Variants in MAPK8 observed in about 807,000 individuals in gnomAD.
MAPK8 encodes the protein JUN N-terminal kinase.
Under a neutral mutation model 52.9 loss-of-function variants are expected in MAPK8, and 13 were observed. The ratio of observed to expected loss-of-function variants is 0.25; its 90% CI spans 0.16 to 0.39. The LOEUF (loss-of-function observed/expected upper bound fraction) is 0.39. Among genes scored for constraint, MAPK8 ranks in the 10% least tolerant of loss-of-function variants. MAPK8 has a pLI of 1.00. For synonymous variants in MAPK8, 191 were observed against 169.8 expected (o/e 1.12, Z -0.97); for missense variants, 300 against 519.2 (o/e 0.58, Z 4.10).
chr10:48,436,479 T>C lies in MAPK8; in HGVS notation c.*1450T>C, dbSNP rs1048628458. The stretch of plus-strand genomic sequence containing the variant: ...ATAGACCCAGGCACCTTTTAAATTA[T>C]CTCTGGAACAAGAGGGATTTCATGT... On this transcript the variant is annotated 3_prime_UTR_variant, in exon 12 of 12. Coordinates refer to ENST00000374189, the MANE Select transcript of MAPK8 (RefSeq NM_001323329.2). The C allele has an allele frequency of 6.6e-6, 1 of 152,200 alleles. No individual in the cohort carries two copies. Among genetic ancestry groups the C allele is most frequent in the East Asian group, 1.9e-4 (1 of 5,202 alleles). The allele number at this position is 152,200 out of a possible 1,614,324, so 9.4% of individuals were successfully genotyped here.
At chr10:48,307,881 C>A (rs992015906) in intron 1 of MAPK8, among the ~76,000 whole-genome samples, 1 of 152,074 alleles carries the variant, frequency 6.6e-6, no homozygotes, top group African/African-American at 2.4e-5. Context: ...GGTAAAGTAT[C>A]CTTTCATGGA....
chr10:48,411,714 C>T (rs780673585), intron 5 of MAPK8, among the ~76,000 whole-genome samples: 2 of 152,094 alleles, frequency 1.3e-5, no homozygotes, highest in East Asian at 1.9e-4. Context: ...GTTTTGCCAT[C>T]GTAACAATAT....
chr10:48,312,394 C>T (rs1404735190), intron 1 of MAPK8, among the ~76,000 whole-genome samples: 2 of 152,194 alleles, frequency 1.3e-5, no homozygotes, highest in Non-Finnish European at 2.9e-5. Flanking sequence ...GTACTAGAAA[C>T]ACTTTTTAAA....
chr10:48,397,294 G>T (rs572163107), intron 1 of MAPK8, among the ~76,000 whole-genome samples: 58 of 151,548 alleles, frequency 3.8e-4, no homozygotes, highest in Non-Finnish European at 5.9e-4. Flanking sequence ...GACTATAGAT[G>T]TGCACTACTA....
intron 1 of MAPK8, among the ~76,000 whole-genome samples, chr10:48,339,042 C>A (rs1046905730): frequency 6.6e-6 from 1 of 152,098 alleles, no homozygotes; most frequent in African/African-American, 2.4e-5. Context: ...TAATTCCTAT[C>A]AAATTACCAA....
At chr10:48,399,434 T>A (rs2042048049) in intron 1 of MAPK8, among the ~76,000 whole-genome samples, 1 of 152,232 alleles carries the variant, frequency 6.6e-6, no homozygotes, top group African/African-American at 2.4e-5. Context: ...GGAGCCTGTC[T>A]GCCTGCCTCT....
intron 1 of MAPK8, among the ~76,000 whole-genome samples, chr10:48,382,997 A>G (rs898284473): frequency 4.7e-5 from 7 of 149,610 alleles, no homozygotes; most frequent in Non-Finnish European, 7.4e-5. Flanking sequence ...AATTAAGCTA[A>G]TTTCTGGCTA....
chr10:48,339,846 G>A (rs1032996845), intron 1 of MAPK8, among the ~76,000 whole-genome samples: 1 of 152,142 alleles, frequency 6.6e-6, no homozygotes, highest in African/African-American at 2.4e-5. Flanking sequence ...TGAAACCACA[G>A]CAAGATACCA....
At chr10:48,430,959 CAG>C (rs2044182774) in intron 10 of MAPK8, 2 of 531,086 alleles carry the variant, frequency 3.8e-6, no homozygotes, top group Non-Finnish European at 6.6e-6. Context: ...ACTTCAGAAA[CAG>C]TGAATTACAG....
intron 3 of MAPK8, among the ~76,000 whole-genome samples, chr10:48,408,409 ATAAT>A (rs372681223): frequency 1.3e-5 from 2 of 152,340 alleles, no homozygotes; most frequent in African/African-American, 2.4e-5. Context: ...CACCTGGAAG[ATAAT>A]TAAGTTGAGT....
chr10:48,425,476 A>G (rs1237961698), intron 7 of MAPK8: 5 of 398,584 alleles, frequency 1.3e-5, no homozygotes, highest in African/African-American at 8.2e-5. Context: ...TGTGTTCTAG[A>G]AATATTGTCT....
chr10:48,378,148 T>C (rs2040784935), intron 1 of MAPK8, among the ~76,000 whole-genome samples: 1 of 152,230 alleles, frequency 6.6e-6, no homozygotes, highest in African/African-American at 2.4e-5. Flanking sequence ...AAAGCATTGT[T>C]AATCAAAATC....
At chr10:48,407,058 G>A (rs2042511751) in intron 3 of MAPK8, among the ~76,000 whole-genome samples, 1 of 152,150 alleles carries the variant, frequency 6.6e-6, no homozygotes, top group Non-Finnish European at 1.5e-5. Context: ...AGTACTTCAT[G>A]TTTCTCCCTA....
At chr10:48,322,382 G>A (rs2132164587) in intron 1 of MAPK8, among the ~76,000 whole-genome samples, 2 of 152,142 alleles carry the variant, frequency 1.3e-5, no homozygotes, top group South Asian at 4.2e-4. Context: ...ATTATATAAG[G>A]AAAATTATAT....
chr10:48,342,316 C>G (rs1409184178), intron 1 of MAPK8, among the ~76,000 whole-genome samples: 1 of 152,054 alleles, frequency 6.6e-6, no homozygotes, highest in Non-Finnish European at 1.5e-5. Context: ...GTTGCCCAGG[C>G]TGGTCTTGAA....
chr10:48,431,345 C>T, intron 11 of MAPK8, 75 bp downstream of exon 11: 1 of 877,600 alleles, frequency 1.1e-6, no homozygotes, highest in Non-Finnish European at 1.8e-6. Flanking sequence ...CTGAAACCTG[C>T]AGTTCTTCCC....
intron 1 of MAPK8, among the ~76,000 whole-genome samples, chr10:48,332,685 C>T (rs1758559193): frequency 6.6e-6 from 1 of 152,218 alleles, no homozygotes; most frequent in Admixed American, 6.5e-5. Context: ...GTGGTGTTCC[C>T]TTTCTGAAAA....
chr10:48,381,776 A>G (rs2041019721), intron 1 of MAPK8, among the ~76,000 whole-genome samples: 1 of 152,186 alleles, frequency 6.6e-6, no homozygotes, highest in Non-Finnish European at 1.5e-5. Flanking sequence ...AATGACTCAA[A>G]CATTTTATGA....
intron 5 of MAPK8, among the ~76,000 whole-genome samples, chr10:48,413,951 G>T (rs1191392915): frequency 6.7e-6 from 1 of 148,986 alleles, no homozygotes; most frequent in Admixed American, 6.7e-5. Context: ...CATTTAACGT[G>T]TACCACTCAG....
Sources: allele counts gnomAD v4.1 joint callset (sites outside exome capture counted in the v4.1 genomes callset), GRCh38; gene constraint gnomAD v4.1.1; transcripts MANE v1.5; gene names NCBI Gene and HGNC (gene_info 2026-07-23, HGNC 2026-07-21).